Variants in KIF15 observed in about 807,000 individuals in gnomAD.
The protein encoded by KIF15 is kinesin family member 15, also known as kinesin-like protein KIF15.
KIF15 carries 140 observed loss-of-function variants against 190.6 expected under a neutral mutation model. The ratio of observed to expected loss-of-function variants is 0.73; its 90% CI spans 0.64 to 0.84. KIF15 has a LOEUF of 0.84. Ranked by LOEUF, KIF15 falls within the 40% of genes least tolerant of loss-of-function variation. The pLI, the probability that KIF15 is intolerant of heterozygous loss-of-function variation, is 0.00. For synonymous variants in KIF15, 528 were observed against 551.3 expected (o/e 0.96, Z 0.59); for missense variants, 1,372 against 1,584.4 (o/e 0.87, Z 2.28).
chr3:44,802,694 CA>C, intron 13 of KIF15, 119 bp from the exon 14 acceptor site: 4 of 950,392 alleles, frequency 4.2e-6, no homozygotes, highest in Non-Finnish European at 6.1e-6. Flanking sequence ...ATGGTGGTTG[CA>C]GAAGGGTACC....
At chr3:44,843,063 G>A (rs1698678726) in intron 29 of KIF15, 62 bp from the exon 30 acceptor site, 4 of 1,206,890 alleles carry the variant, frequency 3.3e-6, no homozygotes, top group Non-Finnish European at 4.8e-6. Context: ...TGGTGGCCTT[G>A]GGGAGCTAAA....
intron 24 of KIF15, among the ~76,000 whole-genome samples, chr3:44,829,725 G>GATGTATATATTATAT (rs1428135730): frequency 7.9e-6 from 1 of 127,222 alleles, no homozygotes; most frequent in African/African-American, 3.1e-5. Flanking sequence ...ATATATTATA[G>GATGTATATATTATAT]ATGTATATAT....
chr3:44,795,290 A>T (rs1389327683), intron 8 of KIF15, among the ~76,000 whole-genome samples: 1 of 152,106 alleles, frequency 6.6e-6, no homozygotes, highest in Non-Finnish European at 1.5e-5. Flanking sequence ...CATGCCTGGC[A>T]GGGGGGCATC....
rs186099738 is a variant in KIF15 at position 44,830,071 on chromosome 3, T to A, written c.3044T>A (p.Ile1015Lys). The A allele has an allele frequency of 8.3e-6, 13 of 1,559,778 alleles. No homozygotes were observed. The highest frequency in any genetic ancestry group is 1.9e-5 in the Admixed American group (1 of 51,738). The stretch of plus-strand genomic sequence containing the variant: ...ACCCTGAAACAAGAACTGAAGGACA[T>A]AAATGTAAGTTCGGTCACCAACAAG... The part of the protein sequence containing the change: ...IDTLKQELKD[I>K]NCKYNSALVD... The change falls in exon 25 of 35, where the codon ATA (isoleucine) becomes AAA (lysine). Residue 1015 changes from isoleucine to lysine, a missense_variant. Ile to Lys is a moderately radical substitution (Grantham distance 102). Transcript: ENST00000326047.
At position 44,761,889 on chromosome 3, in the gene KIF15, G is replaced by A. The variant is rs773998536; in HGVS notation, c.19+5G>A. 6.2e-7 allele frequency: 1 copy of A among 1,614,180 alleles called. No homozygotes were observed. The highest frequency in any genetic ancestry group is 8.5e-7 in the Non-Finnish European group (1 of 1,180,016). ...CTATGGCACCCGGCTGCAAAAGTAA[G>A]TCTGGGCCCCCGGCTTCGTTACCCT... On this transcript the variant is annotated splice_donor_5th_base_variant and intron_variant, in intron 1 of 34. Coordinates refer to ENST00000326047, the MANE Select transcript of KIF15 (RefSeq NM_020242.3).
chr3:44,775,203 A>T, intron 2 of KIF15, 51 bp from the exon 3 acceptor site: 1 of 1,446,684 alleles, frequency 6.9e-7, no homozygotes, highest in Admixed American at 1.9e-5. Flanking sequence ...ATCCTTTTTC[A>T]GTTTTCTTCT....
At chr3:44,776,050 A>C (rs531876942) in intron 3 of KIF15, among the ~76,000 whole-genome samples, 45 of 151,700 alleles carry the variant, frequency 3.0e-4, no homozygotes, top group African/African-American at 1.1e-3. Context: ...ACTGCACTCC[A>C]GACTGGGCAA....
intron 27 of KIF15, among the ~76,000 whole-genome samples, chr3:44,839,290 G>A (rs1477083270): frequency 6.6e-6 from 1 of 151,702 alleles, no homozygotes; most frequent in African/African-American, 2.4e-5. Context: ...GGAGAATGGT[G>A]TGAACCCGGG....
At chr3:44,811,509 G>T (rs1707782226) in intron 17 of KIF15, among the ~76,000 whole-genome samples, 1 of 152,158 alleles carries the variant, frequency 6.6e-6, no homozygotes, top group South Asian at 2.1e-4. Flanking sequence ...GCCGGGTGTG[G>T]TGGTACATGC....
intron 6 of KIF15, chr3:44,863,613 CT>C (rs1281355271): frequency 6.6e-6 from 1 of 152,626 alleles, no homozygotes; most frequent in African/African-American, 2.4e-5. Flanking sequence ...GCCCCTGGCT[CT>C]TTATCTGTAA....
At chr3:44,791,899 A>G (rs1706720458) in intron 7 of KIF15, among the ~76,000 whole-genome samples, 1 of 152,030 alleles carries the variant, frequency 6.6e-6, no homozygotes, top group South Asian at 2.1e-4. Flanking sequence ...TGTATTTTTT[A>G]GTAGAGACGG....
chr3:44,807,844 G>T (rs1707587047), intron 16 of KIF15, among the ~76,000 whole-genome samples: 1 of 152,056 alleles, frequency 6.6e-6, no homozygotes, highest in Non-Finnish European at 1.5e-5. Flanking sequence ...GATATATAAT[G>T]ATTTATTCAA....
Position 44,801,772 on chromosome 3 carries a change from T to C in KIF15, c.1307T>C (p.Ile436Thr), listed in dbSNP as rs766587782. ...ATTATGAATTTCTTTAAGTCTCTGA[T>C]AGAAAAAGTTACCCAATTAGAAGAC... ...KKSEQEKKSLIEKVTQLEDLT... is the reference protein window; with the variant it reads ...KKSEQEKKSLTEKVTQLEDLT... The change falls in exon 13 of 35, where the codon ATA becomes ACA. Residue 436 changes from isoleucine to threonine, a missense_variant. Coordinates refer to ENST00000326047, the MANE Select transcript of KIF15 (RefSeq NM_020242.3). 1.9e-6 allele frequency: 3 copies of C among 1,553,984 alleles called. No individual in the cohort carries two copies. The highest frequency in any genetic ancestry group is 2.6e-6 in the Non-Finnish European group (3 of 1,133,792).
intron 16 of KIF15, among the ~76,000 whole-genome samples, chr3:44,808,516 C>G (rs2125651359): frequency 6.6e-6 from 1 of 151,644 alleles, no homozygotes; most frequent in South Asian, 2.1e-4. Flanking sequence ...AATCCTTTTT[C>G]TTAGCATTTT....
At chr3:44,804,295 C>T (rs1707398580) in intron 14 of KIF15, among the ~76,000 whole-genome samples, 1 of 152,194 alleles carries the variant, frequency 6.6e-6, no homozygotes, top group African/African-American at 2.4e-5. Flanking sequence ...ATTGATCATT[C>T]TCTAAACAAC....
At chr3:44,865,688 C>A (rs1485446615) in intron 6 of KIF15, 1 of 156,732 alleles carries the variant, frequency 6.4e-6, no homozygotes, top group Non-Finnish European at 1.4e-5. Context: ...TATCTTAATT[C>A]TTTCCTTCCC....
At chr3:44,783,666 C>T (rs534138675) in intron 5 of KIF15, among the ~76,000 whole-genome samples, 89 of 152,252 alleles carry the variant, frequency 5.8e-4, no homozygotes, top group African/African-American at 2.0e-3. Flanking sequence ...TATTTACTTG[C>T]ATTTTTCTAC....
At chr3:44,854,977 T>C (rs561333045), downstream of KIF15, among the ~76,000 whole-genome samples, 15 of 152,338 alleles carry the variant, frequency 9.8e-5, no homozygotes, top group African/African-American at 3.6e-4. Context: ...AACATATCTT[T>C]TTAAGGGACA....
At chr3:44,814,786 TCTTTAACA>T in intron 19 of KIF15, 117 bp from the exon 20 acceptor site, 7 of 638,642 alleles carry the variant, frequency 1.1e-5, no homozygotes, top group Non-Finnish European at 1.5e-5. Context: ...GCCACTTAAT[TCTTTAACA>T]TTTTTCCTTA....
Sources: allele counts gnomAD v4.1 joint callset (sites outside exome capture counted in the v4.1 genomes callset), GRCh38; gene constraint gnomAD v4.1.1; transcripts MANE v1.5; gene names NCBI Gene and HGNC (gene_info 2026-07-23, HGNC 2026-07-21).